DPRX: variants seen among roughly 807,000 people sequenced by gnomAD.
The protein encoded by DPRX is divergent paired-related homeobox.
Under a neutral mutation model 8.4 loss-of-function variants are expected in DPRX, and 11 were observed. The observed-to-expected ratio is 1.31, with a 90% CI of 0.82 to 2.17. The LOEUF is 2.17. Among genes scored for constraint, DPRX ranks in the 30% most tolerant of loss-of-function variants. DPRX has a pLI of 0.00. For synonymous variants in DPRX, 72 were observed against 87.0 expected (o/e 0.83, Z 0.96); for missense variants, 211 against 236.7 (o/e 0.89, Z 0.71).
At chr19:53,636,439 A>G (rs1019797288) in intron 2 of DPRX, among the ~76,000 whole-genome samples, 157 bp from the exon 3 acceptor site, 12 of 119,278 alleles carry the variant, frequency 1.0e-4, no homozygotes, top group African/African-American at 4.9e-4. Flanking sequence ...AAAAAAAGGA[A>G]AAAAAAAGAA....
At chr19:53,617,451 G>A in the DPRX span, among the ~76,000 whole-genome samples, 7 of 151,776 alleles carry the variant, frequency 4.6e-5, no homozygotes, top group South Asian at 4.2e-4. Context: ...CCAGCTACTC[G>A]GGAGGCTGAG....
chr19:53,614,550 AG>A, the DPRX span, among the ~76,000 whole-genome samples: 1 of 152,158 alleles, frequency 6.6e-6, no homozygotes, highest in Non-Finnish European at 1.5e-5. Flanking sequence ...AGTTTGAAAA[AG>A]AAAAAAAAAA....
At chr19:53,618,543 G>C in the DPRX span, among the ~76,000 whole-genome samples, 8 of 151,228 alleles carry the variant, frequency 5.3e-5, no homozygotes, top group South Asian at 1.7e-3. Flanking sequence ...TGCCAAGGTG[G>C]GTGGATCGCT....
chr19:53,603,001 GTATGTGTGTGTGTGTGTATA>G, the DPRX span, among the ~76,000 whole-genome samples: 2 of 139,192 alleles, frequency 1.4e-5, no homozygotes, highest in Non-Finnish European at 1.6e-5. Flanking sequence ...GTGTGTATAT[GTATGTGTGTGTGTGTGTATA>G]TATGTGTGTG....
chr19:53,636,734 C>T, exon 3 of DPRX: 1 of 1,614,160 alleles, frequency 6.2e-7, no homozygotes, highest in Non-Finnish European at 8.5e-7. Flanking sequence ...AGACACACTA[C>T]CCAGATTGCC....
the DPRX span, chr19:53,616,973 C>A: frequency 8.4e-7 from 1 of 1,186,994 alleles, no homozygotes; most frequent in Admixed American, 1.7e-5. Context: ...GTTGAACCGC[C>A]AGGTGTTGGC....
the DPRX span, chr19:53,601,466 C>T: frequency 1.2e-5 from 5 of 400,802 alleles, no homozygotes; most frequent in African/African-American, 6.4e-5. Flanking sequence ...GTTGCAGTCG[C>T]ATATTCAATG....
the DPRX span, among the ~76,000 whole-genome samples, chr19:53,608,903 C>T: frequency 1.1e-4 from 14 of 129,642 alleles, no homozygotes; most frequent in African/African-American, 3.9e-4. Flanking sequence ...TGCAGTGAGC[C>T]AAGATCGCGC....
chr19:53,626,983 C>T, the DPRX span, among the ~76,000 whole-genome samples: 2 of 152,082 alleles, frequency 1.3e-5, no homozygotes, highest in East Asian at 1.9e-4. Context: ...GTTGACTGCT[C>T]GTGGCCCCTC....
chr19:53,606,501 G>C, the DPRX span: 1 of 152,520 alleles, frequency 6.6e-6, no homozygotes, highest in East Asian at 1.9e-4. This position sits in a 1 kb window ranked among gnomAD's most constrained non-coding sequence, Gnocchi z 4.8. Context: ...ATCCAATGTG[G>C]ACAAAAGCCT....
chr19:53,613,473 A>G, the DPRX span, among the ~76,000 whole-genome samples: 3 of 151,458 alleles, frequency 2.0e-5, no homozygotes, highest in Non-Finnish European at 4.4e-5. Flanking sequence ...TCAGCCTCCC[A>G]AGTATCTGGA....
the DPRX span, among the ~76,000 whole-genome samples, chr19:53,615,809 G>A: frequency 6.6e-6 from 1 of 151,906 alleles, no homozygotes; most frequent in East Asian, 1.9e-4. Context: ...TTCTGTTTAA[G>A]AGGTGTTTCC....
chr19:53,632,332 A>G (rs1309378425), intron 1 of DPRX, among the ~76,000 whole-genome samples, 198 bp downstream of exon 1: 1 of 151,694 alleles, frequency 6.6e-6, no homozygotes, highest in Non-Finnish European at 1.5e-5. Flanking sequence ...AGACAGTCTC[A>G]CTCTGTCGCT....
At chr19:53,636,575 T>C (rs1216258730) in intron 2 of DPRX, 21 bp from the exon 3 acceptor site, 1 of 1,509,984 alleles carries the variant, frequency 6.6e-7, no homozygotes, top group Non-Finnish European at 8.9e-7. Context: ...CACCCCATTC[T>C]CTTCTCTCTC....
At chr19:53,610,611 G>A in the DPRX span, among the ~76,000 whole-genome samples, 1 of 146,246 alleles carries the variant, frequency 6.8e-6, no homozygotes, top group African/African-American at 2.5e-5. Context: ...GGGGGCAGGT[G>A]CAAGGGCTGA....
chr19:53,602,844 T>C, the DPRX span, among the ~76,000 whole-genome samples: 1 of 149,972 alleles, frequency 6.7e-6, no homozygotes, highest in Non-Finnish European at 1.5e-5. Flanking sequence ...CCTGACCTAA[T>C]TTTTTGTATT....
chr19:53,609,229 A>T, the DPRX span, among the ~76,000 whole-genome samples: 3 of 151,782 alleles, frequency 2.0e-5, no homozygotes, highest in African/African-American at 7.2e-5. Context: ...GCACTTTGGG[A>T]GGCCAAGAGG....
Position 53,634,686 on chromosome 19 carries a change from G to T in DPRX, c.183+1G>T, listed in dbSNP as rs1244559525. 6.2e-7 allele frequency: 1 copy of T among 1,608,262 alleles called. No individual in the cohort carries two copies. Among genetic ancestry groups the T allele is most frequent in the South Asian group, 1.1e-5 (1 of 89,960 alleles). ...AGACATACACCCAACAGTACTGCAG[G>T]TTGGAAAATGATCCCTCTTCTCACT... On this transcript the variant is annotated splice_donor_variant, in intron 2 of 2. Coordinates refer to ENST00000376650, the Ensembl canonical transcript of DPRX. LOFTEE classifies it high-confidence loss of function.
At position 53,632,221 on chromosome 19, in the gene DPRX, G is replaced by C; in HGVS notation, c.28+87G>C. 3 of 1,585,694 alleles carry C rather than the reference G, an allele frequency of 1.9e-6. No individual in the cohort carries two copies. The South Asian group carries it at 3.3e-5, about 18-fold the overall frequency. The stretch of plus-strand genomic sequence containing the variant: ...GCGGGAAAAGGCAGAGGGACCAGGC[G>C]GCCGAAGCTGGTGCTTCGTCCACGT... On this transcript the variant is annotated intron_variant, in intron 1 of 2. Transcript: ENST00000376650.
Sources: allele counts gnomAD v4.1 joint callset (sites outside exome capture counted in the v4.1 genomes callset), GRCh38; gene constraint gnomAD v4.1.1; non-coding constraint Gnocchi (gnomAD v3.1); transcripts MANE v1.5; gene names NCBI Gene and HGNC (gene_info 2026-07-23, HGNC 2026-07-21).